The following SPATA18 variants were observed in gnomAD, a reference collection of about 807,000 sequenced individuals.
The protein encoded by SPATA18 is mitochondria-eating protein.
Under a neutral mutation model 68.1 loss-of-function variants are expected in SPATA18, and 54 were observed. The ratio of observed to expected loss-of-function variants is 0.79; its 90% CI spans 0.64 to 0.99. The LOEUF (loss-of-function observed/expected upper bound fraction) is 0.99, where lower values mean the gene tolerates loss of function less well. SPATA18 is among the 50% of genes least tolerant of loss of function. The pLI, the probability that SPATA18 is intolerant of heterozygous loss-of-function variation, is 0.00. For synonymous variants in SPATA18, 242 were observed against 244.8 expected, an observed-to-expected ratio of 0.99 and a Z score of 0.11; for missense variants, 724 against 681.1, an observed-to-expected ratio of 1.06 and a Z score of -0.70.
intron 7 of SPATA18, among the ~76,000 whole-genome samples, chr4:52,077,858 G>A (rs1469068855): frequency 1.3e-5 from 2 of 152,076 alleles, no homozygotes; most frequent in African/African-American, 2.4e-5. Flanking sequence ...TTTGTTCTAT[G>A]GGTTAGTGTC....
chr4:52,060,566 TTCTC>T (rs1336283269), intron 2 of SPATA18, 42 bp downstream of exon 2: 1 of 1,572,012 alleles, frequency 6.4e-7, no homozygotes, highest in Admixed American at 1.7e-5. Context: ...CTGCTTGCCT[TTCTC>T]TCTTTTCTTG....
chr4:52,063,424 A>G (rs1319115441), intron 4 of SPATA18, among the ~76,000 whole-genome samples: 1 of 152,210 alleles, frequency 6.6e-6, no homozygotes, highest in African/African-American at 2.4e-5. Flanking sequence ...ATATCCATTC[A>G]TATTTCCAAC....
intron 11 of SPATA18, among the ~76,000 whole-genome samples, chr4:52,092,247 C>A (rs1742023946): frequency 6.6e-6 from 1 of 151,652 alleles, no homozygotes; most frequent in South Asian, 2.1e-4. Context: ...CCAGGCGCCA[C>A]TGGGATATGG....
At position 52,091,200 on chromosome 4, in the gene SPATA18, A is replaced by C. The variant is rs192361438; in HGVS notation, c.1564-3327A>C. Among the ~76,000 whole-genome samples the C allele has an allele frequency of 4.3e-3, 655 of 151,854 alleles. 2 individuals are homozygous for C. Among genetic ancestry groups the C allele is most frequent in the Non-Finnish European group, 7.4e-3 (506 of 67,928 alleles). ...TTAGCAATTCGACTAACCTTTTTTC[A>C]AGGTTCTTAGCTTCCTTGCAGTGGG... is the stretch of plus-strand genomic sequence containing the variant. On this transcript the variant is annotated intron_variant, in intron 11 of 12. Coordinates refer to ENST00000295213, the MANE Select transcript of SPATA18 (RefSeq NM_145263.4).
intron 11 of SPATA18, among the ~76,000 whole-genome samples, chr4:52,088,969 TG>T (rs1321352080): frequency 6.6e-6 from 1 of 152,216 alleles, no homozygotes; most frequent in African/African-American, 2.4e-5. Context: ...AACTTGTTAT[TG>T]GTCTATTCAG....
chr4:52,052,016 C>T (rs940514706), intron 1 of SPATA18, among the ~76,000 whole-genome samples: 1 of 152,188 alleles, frequency 6.6e-6, no homozygotes, highest in Admixed American at 6.5e-5. Flanking sequence ...AGGCGGCCTG[C>T]GGAGCGCAGC....
chr4:52,059,033 T>C (rs943536314), intron 1 of SPATA18, among the ~76,000 whole-genome samples: 1 of 152,200 alleles, frequency 6.6e-6, no homozygotes. Flanking sequence ...ATCTCATTTA[T>C]ATGCATCCAT....
At position 52,086,463 on chromosome 4, in the gene SPATA18, T is replaced by C. The variant is rs547395853; in HGVS notation, c.1563+1464T>C. ...CCAGTGTGTGATGTTCCCCTCCCTG[T>C]GTCCATGTGTTATCACTGTTCAACT... On this transcript the variant is annotated intron_variant, in intron 11 of 12. Transcript: ENST00000295213. Among the ~76,000 whole-genome samples the C allele has an allele frequency of 4.6e-5, 7 of 152,290 alleles. 1 individual carries two copies. The highest frequency in any genetic ancestry group is 1.5e-5 in the Non-Finnish European group (1 of 68,032).
At chr4:52,078,629 A>G in intron 7 of SPATA18, 106 bp from the exon 8 acceptor site, 1 of 1,022,892 alleles carries the variant, frequency 9.8e-7, no homozygotes, top group African/African-American at 1.6e-5. Context: ...TTTAGTTATC[A>G]GAAGACCAAT....
intron 11 of SPATA18, among the ~76,000 whole-genome samples, chr4:52,093,011 G>A (rs1359787866): frequency 6.6e-6 from 1 of 152,094 alleles, no homozygotes; most frequent in East Asian, 1.9e-4. Flanking sequence ...GTGGGAGGAG[G>A]GAGAGGATCG....
At chr4:52,063,373 T>A (rs1431139164) in intron 4 of SPATA18, among the ~76,000 whole-genome samples, 1 of 152,190 alleles carries the variant, frequency 6.6e-6, no homozygotes, top group Non-Finnish European at 1.5e-5. Flanking sequence ...TTTTGGTATA[T>A]TTTACTCCAG....
intron 4 of SPATA18, among the ~76,000 whole-genome samples, chr4:52,067,383 T>C (rs1481518760): frequency 1.3e-5 from 2 of 152,204 alleles, no homozygotes; most frequent in African/African-American, 2.4e-5. Context: ...TTAAGTATTC[T>C]CTTCCCTTTA....
At chr4:52,080,926 C>T (rs1371633924) in intron 9 of SPATA18, among the ~76,000 whole-genome samples, 2 of 152,204 alleles carry the variant, frequency 1.3e-5, no homozygotes, top group African/African-American at 4.8e-5. Flanking sequence ...CAGAATCATT[C>T]ACTTTCTTTC....
At chr4:52,052,966 A>C (rs1018161421) in intron 1 of SPATA18, among the ~76,000 whole-genome samples, 5 of 152,200 alleles carry the variant, frequency 3.3e-5, no homozygotes. Context: ...TTCTCCATTA[A>C]GAATTCTGGA....
chr4:52,096,467 A>AAGTT lies in SPATA18; in HGVS notation c.*1582_*1585dup, dbSNP rs1742430833. 6.6e-6 allele frequency: 1 copy of AAGTT among 152,174 alleles called. No homozygotes were observed. Among genetic ancestry groups the AAGTT allele is most frequent in the African/African-American group, 2.4e-5 (1 of 41,442 alleles). The allele number at this position is 152,174 out of a possible 1,614,324, so 9.4% of individuals were successfully genotyped here. ...TATTCTGAATATGAAATGAAAATTAAAGTTAATATAATCATCTATGTGCAT... is the reference window on the plus strand; with the variant it reads ...TATTCTGAATATGAAATGAAAATTAAAGTTAGTTAATATAATCATCTATGTGCAT... On this transcript the variant is annotated 3_prime_UTR_variant, in exon 13 of 13. Coordinates refer to ENST00000295213, the MANE Select transcript of SPATA18 (RefSeq NM_145263.4).
At chr4:52,057,554 G>C (rs1738458364) in intron 1 of SPATA18, among the ~76,000 whole-genome samples, 1 of 152,140 alleles carries the variant, frequency 6.6e-6, no homozygotes, top group African/African-American at 2.4e-5. Flanking sequence ...ACTGGGCAAG[G>C]CATAGGAATA....
intron 10 of SPATA18, 53 bp from the exon 11 acceptor site, chr4:52,084,863 A>G (rs1301252628): frequency 1.3e-6 from 2 of 1,557,310 alleles, no homozygotes; most frequent in Non-Finnish European, 1.8e-6. Flanking sequence ...TTGAGCCATG[A>G]CAGTTTTCAC....
chr4:52,054,686 C>T (rs981904498), intron 1 of SPATA18, among the ~76,000 whole-genome samples: 1 of 151,874 alleles, frequency 6.6e-6, no homozygotes, highest in African/African-American at 2.4e-5. Flanking sequence ...CCGGCCAGAA[C>T]CAGCCTATGG....
At chr4:52,085,158 G>A (rs758498474) in intron 11 of SPATA18, among the ~76,000 whole-genome samples, 159 bp downstream of exon 11, 32 of 151,900 alleles carry the variant, frequency 2.1e-4, no homozygotes, top group Non-Finnish European at 3.5e-4. Context: ...TACTACTGTG[G>A]GCTAAATAAT....
Sources: allele counts gnomAD v4.1 joint callset (sites outside exome capture counted in the v4.1 genomes callset), GRCh38; gene constraint gnomAD v4.1.1; transcripts MANE v1.5; gene names NCBI Gene and HGNC (gene_info 2026-07-23, HGNC 2026-07-21).